Variants in SV2B observed in about 807,000 individuals in gnomAD.
SV2B encodes synaptic vesicle glycoprotein 2B, also known as solute carrier family 22 member B2.
SV2B carries 41 observed loss-of-function variants against 73.9 expected under a neutral mutation model. The observed-to-expected ratio is 0.56, with a 90% CI of 0.43 to 0.72. The LOEUF (loss-of-function observed/expected upper bound fraction) is 0.72, where lower values mean the gene tolerates loss of function less well. Among genes scored for constraint, SV2B ranks in the 30% least tolerant of loss-of-function variants. The pLI, the probability that SV2B is intolerant of heterozygous loss-of-function variation, is 0.00. For missense variants in SV2B, 764 were observed against 857.8 expected, an observed-to-expected ratio of 0.89 and a Z score of 1.37; for synonymous variants, 314 against 314.2, an observed-to-expected ratio of 1.00 and a Z score of 0.01.
chr15:91,137,569 AAT>A lies in SV2B; in HGVS notation c.-392+37221_-392+37222del, dbSNP rs142512543. Among the ~76,000 whole-genome samples, 15,601 of 132,806 alleles carry A rather than the reference AAT, an allele frequency of 0.12. 883 individuals are homozygous for A. Among genetic ancestry groups the A allele is most frequent in the Middle Eastern group, 0.14 (36 of 254 alleles). 87.1% of individuals were successfully genotyped at this position (132,806 alleles called of 152,430 possible). A position where few individuals can be genotyped will look rare whatever the true frequency, so the allele number is the denominator to read the frequency against. The stretch of plus-strand genomic sequence containing the variant: ...ACAGGACAAAACTAGGAAAATGTGA[AAT>A]ATATATATATATATTTCTCATATAT... On this transcript the variant is annotated intron_variant, in intron 1 of 12. Coordinates refer to ENST00000394232, the MANE Select transcript of SV2B (RefSeq NM_001323032.3). This position sits in a 1 kb window ranked among gnomAD's most constrained non-coding sequence, Gnocchi z 4.9.
intron 1 of SV2B, among the ~76,000 whole-genome samples, chr15:91,183,393 T>C (rs1335369909): frequency 6.6e-6 from 1 of 152,238 alleles, no homozygotes; most frequent in African/African-American, 2.4e-5. Context: ...ATATTTTTCC[T>C]TAATTACATA....
chr15:91,175,908 CTTTAAG>C (rs1268569807), intron 1 of SV2B, among the ~76,000 whole-genome samples: 1 of 151,224 alleles, frequency 6.6e-6, no homozygotes, highest in African/African-American at 2.4e-5. Flanking sequence ...TATTATTATA[CTTTAAG>C]TTTTAGGGTA....
rs1319599747 is a variant in SV2B, at chr15:91,223,060, AGGTTGG to A, written c.-391-2811_-391-2806del. Reference sequence around the variant, plus strand: ...AGAGCTGTGAGAGAGAATCTGTTGCAGGTTGGGAAGCCTTAGGCTTGTAGATGGCAT... The same window carrying A: ...AGAGCTGTGAGAGAGAATCTGTTGCAGAAGCCTTAGGCTTGTAGATGGCAT... On this transcript the variant is annotated intron_variant, in intron 1 of 12. Transcript: ENST00000394232. This position sits in a 1 kb window ranked among gnomAD's most constrained non-coding sequence, Gnocchi z 4.6. 4.6e-5 allele frequency among the ~76,000 whole-genome samples: 7 copies of A among 152,158 alleles called. No homozygotes were observed. Among genetic ancestry groups the A allele is most frequent in the Non-Finnish European group, 8.8e-5 (6 of 68,034 alleles).
At chr15:91,127,112 A>G (rs2151753169) in intron 1 of SV2B, among the ~76,000 whole-genome samples, 1 of 152,322 alleles carries the variant, frequency 6.6e-6, no homozygotes, top group South Asian at 2.1e-4. Flanking sequence ...CCTGTATACA[A>G]TGGGATGATA....
rs1429033884 is a variant in SV2B, at chr15:91,115,568, G to T, written c.-392+15205G>T. Among the ~76,000 whole-genome samples the T allele has an allele frequency of 2.0e-5, 3 of 151,656 alleles. No individual in the cohort carries two copies. Among genetic ancestry groups the T allele is most frequent in the African/African-American group, 4.8e-5 (2 of 41,266 alleles). On this transcript the variant is annotated intron_variant, in intron 1 of 12. Coordinates refer to ENST00000394232, the MANE Select transcript of SV2B (RefSeq NM_001323032.3). This position sits in a 1 kb window ranked among gnomAD's most constrained non-coding sequence, Gnocchi z 4.3. ...TTTTTTGTATTTTTAGTAGAGACAG[G>T]GTCTCGCCATGTTGCCCAGGCTGGT...
At position 91,268,243 on chromosome 15, in the gene SV2B, T is replaced by C. The variant is rs2048172645; in HGVS notation, c.1209-198T>C. 6.6e-6 allele frequency among the ~76,000 whole-genome samples: 1 copy of C among 152,264 alleles called. No homozygotes were observed. The highest frequency in any genetic ancestry group is 2.1e-4 in the South Asian group (1 of 4,836). On this transcript the variant is annotated intron_variant, in intron 8 of 12. Transcript: ENST00000394232. This position sits in a 1 kb window ranked among gnomAD's most constrained non-coding sequence, Gnocchi z 4.4. ...AACATTTCTTTTAAATCAAATGCCT[T>C]TTCAGCATTTATGGAGGTGGTCATA...
intron 1 of SV2B, among the ~76,000 whole-genome samples, chr15:91,107,771 G>A (rs2041929695): frequency 1.3e-5 from 2 of 152,022 alleles, no homozygotes; most frequent in Admixed American, 6.6e-5. Flanking sequence ...CACCATGCCC[G>A]GCTAATTTTT....
rs892431605 is a variant in SV2B, at chr15:91,214,133, C to T, written c.-391-11740C>T. ...AGCTCATGACTACTGGGAAGTGGACCGGTTCCGGATCTCTAGAGGAGGGAG... is the reference window on the plus strand; with the variant it reads ...AGCTCATGACTACTGGGAAGTGGACTGGTTCCGGATCTCTAGAGGAGGGAG... On this transcript the variant is annotated intron_variant, in intron 1 of 12. Coordinates refer to ENST00000394232, the MANE Select transcript of SV2B (RefSeq NM_001323032.3). The surrounding 1 kb of genome is among the most constrained non-coding windows in gnomAD (Gnocchi z 4.7). Among the ~76,000 whole-genome samples the T allele has an allele frequency of 5.9e-5, 9 of 152,134 alleles. No homozygotes were observed. Among genetic ancestry groups the T allele is most frequent in the Admixed American group, 2.0e-4 (3 of 15,270 alleles).
At chr15:91,249,009 T>A (rs2047367320) in intron 2 of SV2B, among the ~76,000 whole-genome samples, 1 of 151,538 alleles carries the variant, frequency 6.6e-6, no homozygotes, top group African/African-American at 2.4e-5. Context: ...TACACATACA[T>A]GCAAACACCC....
At chr15:91,107,695 G>C (rs192066878) in intron 1 of SV2B, among the ~76,000 whole-genome samples, 1 of 151,914 alleles carries the variant, frequency 6.6e-6, no homozygotes, top group Admixed American at 6.6e-5. Flanking sequence ...CTGCAGCCTT[G>C]ACCTCCCGGG....
chr15:91,288,765 C>T lies in SV2B; in HGVS notation c.1709-756C>T, dbSNP rs925829679. ...CCATCTCGGCTCACTGCAACCTCTG[C>T]CTCCCAGCTTCAAATAATTCTCGTG... On this transcript the variant is annotated intron_variant, in intron 11 of 12. Transcript: ENST00000394232. The surrounding 1 kb of genome is among the most constrained non-coding windows in gnomAD (Gnocchi z 5.8). 2.6e-5 allele frequency among the ~76,000 whole-genome samples: 4 copies of T among 152,110 alleles called. No homozygotes were observed. The East Asian group carries it at 7.7e-4, about 29-fold the overall frequency.
chr15:91,173,587 C>A (rs2044200322), intron 1 of SV2B, among the ~76,000 whole-genome samples: 2 of 152,190 alleles, frequency 1.3e-5, no homozygotes, highest in South Asian at 4.1e-4. Context: ...CAGCCTGCCT[C>A]TTTGCCTTCA....
intron 2 of SV2B, among the ~76,000 whole-genome samples, chr15:91,248,097 G>A (rs2047317292): frequency 6.6e-6 from 1 of 152,126 alleles, no homozygotes; most frequent in African/African-American, 2.4e-5. Flanking sequence ...CGAGGTGGGC[G>A]GATCACGAGG....
rs949945263 is a variant in SV2B, at chr15:91,245,128, G to A, written c.452-6691G>A. The stretch of plus-strand genomic sequence containing the variant: ...TATCCTGCTGCCTCTGGTGTGGAGA[G>A]GAAATCTTCTGTCTGTGTGAAAAGC... On this transcript the variant is annotated intron_variant, in intron 2 of 12. Coordinates refer to ENST00000394232, the MANE Select transcript of SV2B (RefSeq NM_001323032.3). The surrounding 1 kb of genome is among the most constrained non-coding windows in gnomAD (Gnocchi z 4.2). Among the ~76,000 whole-genome samples, 3 of 152,176 alleles carry A rather than the reference G, an allele frequency of 2.0e-5. No individual in the cohort carries two copies. The highest frequency in any genetic ancestry group is 4.4e-5 in the Non-Finnish European group (3 of 68,034).
chr15:91,269,526 A>T (rs988549291), intron 9 of SV2B, among the ~76,000 whole-genome samples: 1 of 152,168 alleles, frequency 6.6e-6, no homozygotes, highest in Non-Finnish European at 1.5e-5. Context: ...AACACCACGA[A>T]TTCTCACCTC....
chr15:91,241,197 C>T lies in SV2B; in HGVS notation c.452-10622C>T, dbSNP rs188797043. On this transcript the variant is annotated intron_variant, in intron 2 of 12. Coordinates refer to ENST00000394232, the MANE Select transcript of SV2B (RefSeq NM_001323032.3). This position sits in a 1 kb window ranked among gnomAD's most constrained non-coding sequence, Gnocchi z 4.8. ...CTTTAGACTTTTAACCTCTTATTACCCCCTTGTTCTCACCACATTCCTCAC... is the reference window on the plus strand; with the variant it reads ...CTTTAGACTTTTAACCTCTTATTACTCCCTTGTTCTCACCACATTCCTCAC... 4.3e-4 allele frequency among the ~76,000 whole-genome samples: 65 copies of T among 152,224 alleles called. No homozygotes were observed. In the East Asian group the frequency reaches 0.012, roughly 29 times the overall value.
rs10696273 is a variant in SV2B, at chr15:91,107,297, GTTTATTTA to G, written c.-392+6958_-392+6965del. Among the ~76,000 whole-genome samples the G allele has an allele frequency of 2.8e-3, 402 of 145,840 alleles. 2 individuals are homozygous for G. Among genetic ancestry groups the G allele is most frequent in the African/African-American group, 9.5e-3 (370 of 38,806 alleles). ...TCAGACTTCATTACTTTATTTGTTTGTTTATTTATTTATTTATTTATTTATTTATTTTT... is the reference window on the plus strand; with the variant it reads ...TCAGACTTCATTACTTTATTTGTTTGTTTATTTATTTATTTATTTATTTTT... On this transcript the variant is annotated intron_variant, in intron 1 of 12. Coordinates refer to ENST00000394232, the MANE Select transcript of SV2B (RefSeq NM_001323032.3).
At chr15:91,160,229 T>G (rs1279026644) in intron 1 of SV2B, among the ~76,000 whole-genome samples, 3 of 152,230 alleles carry the variant, frequency 2.0e-5, no homozygotes, top group Non-Finnish European at 4.4e-5. Context: ...TATTTTAAAT[T>G]TCATATCAGA....
chr15:91,143,530 T>G (rs965945573), intron 1 of SV2B, among the ~76,000 whole-genome samples: 3 of 152,224 alleles, frequency 2.0e-5, no homozygotes, highest in Admixed American at 2.0e-4. Context: ...ACAAAAGACA[T>G]CATTCTATCG....
Sources: gnomAD v4.1 joint callset for allele counts (sites outside exome capture counted in the v4.1 genomes callset) on GRCh38, gnomAD v4.1.1 for gene constraint, Gnocchi (gnomAD v3.1) non-coding constraint, MANE v1.5 for transcripts, NCBI Gene and HGNC (gene_info 2026-07-23, HGNC 2026-07-21) for gene names.